The following ELAPOR2 variants were observed in gnomAD, a reference collection of about 807,000 sequenced individuals.
ELAPOR2 encodes the protein endosome-lysosome associated apoptosis and autophagy regulator family member 2.
ELAPOR2 carries 89 observed loss-of-function variants against 120.7 expected under a neutral mutation model. The observed-to-expected ratio is 0.74, with a 90% CI of 0.62 to 0.88. The LOEUF (loss-of-function observed/expected upper bound fraction) is 0.88. ELAPOR2 is among the 40% of genes least tolerant of loss of function. ELAPOR2 has a pLI of 0.00. For synonymous variants in ELAPOR2, 444 were observed against 444.9 expected (o/e 1.00, Z 0.03); for missense variants, 1,134 against 1,251.6 (o/e 0.91, Z 1.42).
At chr7:86,976,137 T>C (rs1792276467) in intron 1 of ELAPOR2, among the ~76,000 whole-genome samples, 1 of 152,106 alleles carries the variant, frequency 6.6e-6, no homozygotes, top group Non-Finnish European at 1.5e-5. Flanking sequence ...AAACACCTAA[T>C]ATGCCAAGAG....
chr7:86,918,375 T>G lies in ELAPOR2; in HGVS notation c.1593+67A>C, dbSNP rs1485796469. ...AATTCTTATCCCAACTTGCCACAAATAAATTTACACTTGAAGGAGAATGCT... is the reference window on the plus strand; with the variant it reads ...AATTCTTATCCCAACTTGCCACAAAGAAATTTACACTTGAAGGAGAATGCT... On this transcript the variant is annotated intron_variant, in intron 12 of 21. Transcript: ENST00000450689. The G allele has an allele frequency of 1.1e-4, 35 of 307,394 alleles. No homozygotes were observed. In the East Asian group the frequency reaches 2.7e-3, roughly 24 times the overall value. 19.0% of individuals were successfully genotyped at this position (307,394 alleles called of 1,614,324 possible).
chr7:86,974,413 T>G lies in ELAPOR2; in HGVS notation c.190-9389A>C, dbSNP rs1792203557. On this transcript the variant is annotated intron_variant, in intron 1 of 21. Coordinates refer to ENST00000450689, the MANE Select transcript of ELAPOR2 (RefSeq NM_001142749.3). ...AAAATAGTGAAAACTTTAAAACAAT[T>G]TAACTGTGAAACAATAAGAGACTGG... Among the ~76,000 whole-genome samples, 3 of 152,260 alleles carry G rather than the reference T, an allele frequency of 2.0e-5. No homozygotes were observed. The South Asian group carries it at 6.2e-4, about 32-fold the overall frequency.
intron 1 of ELAPOR2, among the ~76,000 whole-genome samples, chr7:86,984,474 C>A (rs556113627): frequency 4.3e-4 from 65 of 152,218 alleles, no homozygotes; most frequent in African/African-American, 1.6e-3. Flanking sequence ...ACAGAAATCA[C>A]AACATACTGT....
At chr7:86,981,942 G>A (rs908853003) in intron 1 of ELAPOR2, among the ~76,000 whole-genome samples, 28 of 152,222 alleles carry the variant, frequency 1.8e-4, no homozygotes, top group Admixed American at 6.5e-5. Flanking sequence ...TGGAAAATCA[G>A]GACACTCCTG....
intron 1 of ELAPOR2, among the ~76,000 whole-genome samples, chr7:86,981,845 CAG>C (rs901067396): frequency 1.3e-5 from 2 of 152,218 alleles, no homozygotes; most frequent in Non-Finnish European, 2.9e-5. Flanking sequence ...TGAGCCAAAA[CAG>C]AGTGGGGTAT....
chr7:87,003,352 A>T (rs376445933), intron 1 of ELAPOR2, among the ~76,000 whole-genome samples: 1 of 152,120 alleles, frequency 6.6e-6, no homozygotes, highest in Admixed American at 6.6e-5. Context: ...CCCCAACAGA[A>T]TCTCATGTTG....
chr7:87,053,827 T>C (rs1795186589), intron 1 of ELAPOR2, among the ~76,000 whole-genome samples: 1 of 152,190 alleles, frequency 6.6e-6, no homozygotes, highest in Non-Finnish European at 1.5e-5. Context: ...AGCTAACTCC[T>C]ACTCATCCTT....
chr7:86,972,030 G>A (rs1051300135), intron 1 of ELAPOR2, among the ~76,000 whole-genome samples: 1 of 152,142 alleles, frequency 6.6e-6, no homozygotes, highest in African/African-American at 2.4e-5. Context: ...TGCATTCTGT[G>A]TTCTCAGAAA....
At chr7:86,941,936 G>T in intron 5 of ELAPOR2, 82 bp downstream of exon 5, 1 of 725,704 alleles carries the variant, frequency 1.4e-6, no homozygotes, top group Non-Finnish European at 2.4e-6. Flanking sequence ...AAAGGAAGGG[G>T]AAGTTGGGAA....
chr7:86,995,932 A>G (rs1446047750), intron 1 of ELAPOR2, among the ~76,000 whole-genome samples: 1 of 152,256 alleles, frequency 6.6e-6, no homozygotes, highest in African/African-American at 2.4e-5. Context: ...TATAAGATAT[A>G]TTCTCCATGT....
intron 8 of ELAPOR2, among the ~76,000 whole-genome samples, chr7:86,936,946 T>C (rs1294152547): frequency 1.3e-5 from 2 of 152,118 alleles, no homozygotes; most frequent in Non-Finnish European, 2.9e-5. Flanking sequence ...ATAAACTAAA[T>C]TGACTTTTGC....
chr7:87,027,651 T>G (rs553511365), intron 1 of ELAPOR2, among the ~76,000 whole-genome samples: 67 of 152,008 alleles, frequency 4.4e-4, no homozygotes, highest in Admixed American at 3.7e-3. Flanking sequence ...AAGCATAGAG[T>G]GAGGATGGAT....
In ELAPOR2 at chr7:86,898,270, A is replaced by T. The variant is rs558411225; in HGVS notation, c.2559-638T>A. ...TCACAGATTATATGATGCTATTCAT[A>T]TGCTATTCAAAGTCCAGAATAGAGA... On this transcript the variant is annotated intron_variant, in intron 18 of 21. Transcript: ENST00000450689. 7.0e-4 allele frequency among the ~76,000 whole-genome samples: 106 copies of T among 152,270 alleles called. 1 individual carries two copies. Among genetic ancestry groups the T allele is most frequent in the African/African-American group, 2.4e-3 (98 of 41,566 alleles).
At chr7:86,904,798 C>A (rs1788893843) in intron 18 of ELAPOR2, among the ~76,000 whole-genome samples, 1 of 152,116 alleles carries the variant, frequency 6.6e-6, no homozygotes, top group Admixed American at 6.6e-5. Context: ...TCCCAGGACA[C>A]CAAGATATAA....
chr7:87,000,047 C>T (rs1389469216), intron 1 of ELAPOR2, among the ~76,000 whole-genome samples: 1 of 152,108 alleles, frequency 6.6e-6, no homozygotes, highest in African/African-American at 2.4e-5. Context: ...CCTTACTGTC[C>T]ATAACCAAAG....
intron 1 of ELAPOR2, among the ~76,000 whole-genome samples, chr7:87,051,603 G>T (rs896926709): frequency 6.6e-6 from 1 of 152,188 alleles, no homozygotes; most frequent in Admixed American, 6.5e-5. Context: ...GACAAGAAAA[G>T]ATTTAAAGGG....
chr7:86,877,568 G>A lies in ELAPOR2; in HGVS notation c.*2903C>T, dbSNP rs1385042370. ...CCCCAGAGAAATTTATTTCTATGAG[G>A]AAGAGAGAAATTATGTACACATTAG... On this transcript the variant is annotated 3_prime_UTR_variant, in exon 22 of 22. Transcript: ENST00000450689. The A allele has an allele frequency of 6.6e-6, 1 of 152,146 alleles. No homozygotes were observed. Among genetic ancestry groups the A allele is most frequent in the Non-Finnish European group, 1.5e-5 (1 of 68,034 alleles). The allele number at this position is 152,146 out of a possible 1,614,324, so 9.4% of individuals were successfully genotyped here. A position where few individuals can be genotyped will look rare whatever the true frequency, so the allele number is the denominator to read the frequency against.
At chr7:86,938,717 G>C in intron 7 of ELAPOR2, 91 bp downstream of exon 7, 1 of 1,377,484 alleles carries the variant, frequency 7.3e-7, no homozygotes, top group Non-Finnish European at 1.0e-6. Flanking sequence ...CACCACTGCT[G>C]TCATACTTTA....
At chr7:86,911,650 T>A in intron 15 of ELAPOR2, 1 of 457,356 alleles carries the variant, frequency 2.2e-6, no homozygotes, top group Non-Finnish European at 4.4e-6. Flanking sequence ...GCCCTGCATG[T>A]CTCCTTTTTA....
Sources: gnomAD v4.1 joint callset for allele counts (sites outside exome capture counted in the v4.1 genomes callset) on GRCh38, gnomAD v4.1.1 for gene constraint, MANE v1.5 for transcripts, NCBI Gene and HGNC (gene_info 2026-07-23, HGNC 2026-07-21) for gene names.